The following AFF2 variants were observed in gnomAD, a reference collection of about 807,000 sequenced individuals.
AFF2 encodes the protein AF4/FMR2 family member 2.
A neutral mutation model predicts 76.9 loss-of-function variants in AFF2; 14 were observed. That is an observed-to-expected ratio of 0.18 (90% CI 0.12 to 0.28). AFF2 has a LOEUF of 0.28. AFF2 is among the 10% of genes least tolerant of loss of function. AFF2 has a pLI of 1.00. For synonymous variants in AFF2, 398 were observed against 366.7 expected, an observed-to-expected ratio of 1.09 and a Z score of -0.98; for missense variants, 868 against 1,001.1, an observed-to-expected ratio of 0.87 and a Z score of 1.79.
At chrX:148,919,641 T>C (rs1245006680) in intron 9 of AFF2, among the ~76,000 whole-genome samples, 1 of 111,184 alleles carries the variant, frequency 9.0e-6, no homozygotes, top group Admixed American at 9.6e-5. Flanking sequence ...AAAAAAGTTA[T>C]AGGTTCACTT....
At position 148,987,558 on chromosome X, in the gene AFF2, G is replaced by A. The variant is rs782699057; in HGVS notation, c.3814+1G>A. On this transcript the variant is annotated splice_donor_variant, in intron 20 of 20. Coordinates refer to ENST00000370460, the MANE Select transcript of AFF2 (RefSeq NM_002025.4). LOFTEE classifies it high-confidence loss of function. ...GACAAACTGACAAGAGAAAACAAAGGTATGCTCATCTGTTCTACCCATATA... is the reference window on the plus strand; with the variant it reads ...GACAAACTGACAAGAGAAAACAAAGATATGCTCATCTGTTCTACCCATATA... 8.3e-7 allele frequency: 1 copy of A among 1,205,563 alleles called. No homozygotes were observed. Among genetic ancestry groups the A allele is most frequent in the Non-Finnish European group, 1.1e-6 (1 of 890,912 alleles).
chrX:148,675,056 G>A (rs1158623925), intron 3 of AFF2, among the ~76,000 whole-genome samples: 1 of 111,896 alleles, frequency 8.9e-6, no homozygotes, highest in Non-Finnish European at 1.9e-5. Context: ...GTGTCCATGT[G>A]TCTCTTTGGG....
intron 7 of AFF2, among the ~76,000 whole-genome samples, chrX:148,875,734 A>C (rs782734886): frequency 9.0e-6 from 1 of 111,325 alleles, no homozygotes; most frequent in East Asian, 2.8e-4. Flanking sequence ...TGGGTGAGGG[A>C]TGGATATAAA....
intron 3 of AFF2, among the ~76,000 whole-genome samples, chrX:148,694,574 G>A: frequency 9.0e-6 from 1 of 111,252 alleles, no homozygotes. Context: ...AGAAAACATT[G>A]GCTTTGTTGT....
intron 3 of AFF2, among the ~76,000 whole-genome samples, chrX:148,672,179 G>A (rs1192047151): frequency 3.6e-5 from 4 of 111,818 alleles, no homozygotes; most frequent in Non-Finnish European, 7.5e-5. Flanking sequence ...AAGTCTGTTT[G>A]GTATTTTCTA....
At chrX:148,762,957 G>T (rs900346672) in intron 3 of AFF2, among the ~76,000 whole-genome samples, 3 of 112,181 alleles carry the variant, frequency 2.7e-5, no homozygotes, top group African/African-American at 9.7e-5. Context: ...GTGGCACGAG[G>T]TCACTGATCT....
At chrX:148,531,857 A>G (rs992667364) in intron 1 of AFF2, among the ~76,000 whole-genome samples, 2 of 111,812 alleles carry the variant, frequency 1.8e-5, no homozygotes, top group East Asian at 2.8e-4. Context: ...GAATATTTGT[A>G]TATACATATG....
At chrX:148,515,644 A>G (rs2052527211) in intron 1 of AFF2, among the ~76,000 whole-genome samples, 1 of 112,323 alleles carries the variant, frequency 8.9e-6, no homozygotes, top group Admixed American at 9.4e-5. Flanking sequence ...AAATGTGATC[A>G]ATTTTTATGA....
intron 4 of AFF2, among the ~76,000 whole-genome samples, chrX:148,818,520 G>A (rs1457267547): frequency 4.5e-5 from 5 of 111,631 alleles, no homozygotes; most frequent in African/African-American, 9.8e-5. Context: ...CTTACCTCAC[G>A]CCATACAAAA....
intron 1 of AFF2, among the ~76,000 whole-genome samples, chrX:148,502,549 C>T (rs1189946370): frequency 8.9e-6 from 1 of 112,611 alleles, no homozygotes; most frequent in Admixed American, 9.4e-5. Flanking sequence ...ACGGTTTTAT[C>T]AGCTCTGTAG....
intron 3 of AFF2, among the ~76,000 whole-genome samples, chrX:148,780,302 A>G (rs1557268975): frequency 9.0e-6 from 1 of 111,511 alleles, no homozygotes; most frequent in Admixed American, 9.5e-5. Flanking sequence ...CTGTCTTTGT[A>G]GGTTGGGGAG....
chrX:148,767,152 T>C (rs1557267823), intron 3 of AFF2, among the ~76,000 whole-genome samples: 1 of 110,330 alleles, frequency 9.1e-6, no homozygotes, highest in East Asian at 2.9e-4. Flanking sequence ...TTGTATATTA[T>C]GTTAAATAAA....
chrX:148,832,779 A>T (rs1557273446), intron 4 of AFF2, among the ~76,000 whole-genome samples: 1 of 111,984 alleles, frequency 8.9e-6, no homozygotes, highest in African/African-American at 3.2e-5. Context: ...AGGAAAGCTG[A>T]GGCCCAGAAT....
intron 2 of AFF2, among the ~76,000 whole-genome samples, chrX:148,658,714 A>G: frequency 8.9e-6 from 1 of 112,523 alleles, no homozygotes; most frequent in Non-Finnish European, 1.9e-5. Context: ...GCTTCTTTCG[A>G]TGAAAGATAA....
chrX:148,725,236 G>A (rs922679578), intron 3 of AFF2, among the ~76,000 whole-genome samples: 15 of 110,912 alleles, frequency 1.4e-4, no homozygotes, highest in African/African-American at 4.3e-4. Context: ...GACCCTGTGA[G>A]CAGTGTCACT....
At chrX:148,757,021 A>G (rs1205901714) in intron 3 of AFF2, among the ~76,000 whole-genome samples, 1 of 112,318 alleles carries the variant, frequency 8.9e-6, no homozygotes, top group Non-Finnish European at 1.9e-5. Context: ...TTAAAATCAT[A>G]TTCAATTTAA....
At chrX:148,574,411 T>C (rs2053262994) in intron 1 of AFF2, among the ~76,000 whole-genome samples, 1 of 111,666 alleles carries the variant, frequency 9.0e-6, no homozygotes, top group Non-Finnish European at 1.9e-5. Flanking sequence ...TTCTTCATTA[T>C]GATTCATGGC....
chrX:148,835,467 A>G (rs1171229512), intron 4 of AFF2, among the ~76,000 whole-genome samples: 1 of 102,486 alleles, frequency 9.8e-6, no homozygotes, highest in African/African-American at 3.6e-5. Flanking sequence ...TAATTTACAT[A>G]TCCATCACGT....
At chrX:148,806,118 A>G (rs1327476987) in intron 3 of AFF2, among the ~76,000 whole-genome samples, 2 of 112,828 alleles carry the variant, frequency 1.8e-5, no homozygotes, top group African/African-American at 3.2e-5. Context: ...TCCCAGTGCC[A>G]CCACTAGCTC....
Sources: allele counts gnomAD v4.1 joint callset (sites outside exome capture counted in the v4.1 genomes callset), GRCh38; gene constraint gnomAD v4.1.1; transcripts MANE v1.5; gene names NCBI Gene and HGNC (gene_info 2026-07-23, HGNC 2026-07-21).